The following ITGAX variants were observed in gnomAD, a reference collection of about 807,000 sequenced individuals.
ITGAX encodes the protein integrin alpha-X.
A neutral mutation model predicts 140.2 loss-of-function variants in ITGAX; 99 were observed. The observed-to-expected ratio is 0.71, with a 90% CI of 0.60 to 0.83. The LOEUF is 0.83. ITGAX is among the 40% of genes least tolerant of loss of function. The pLI is 0.00. For missense variants in ITGAX, 1,444 were observed against 1,482.0 expected, an observed-to-expected ratio of 0.97 and a Z score of 0.42; for synonymous variants, 631 against 600.4, an observed-to-expected ratio of 1.05 and a Z score of -0.75.
intron 3 of ITGAX, 51 bp downstream of exon 3, chr16:31,356,779 G>A (rs1314481481): frequency 2.2e-6 from 3 of 1,345,558 alleles, no homozygotes; most frequent in African/African-American, 2.9e-5. Context: ...AGGCTTCCCT[G>A]CTCCAGGGGC....
chr16:31,355,844 G>A, intron 1 of ITGAX, 49 bp from the exon 2 acceptor site: 7 of 1,427,770 alleles, frequency 4.9e-6, no homozygotes, highest in Non-Finnish European at 5.9e-6. Context: ...AGGGCAGCCA[G>A]GCAGAAGGAA....
At chr16:31,373,102 AAGAAGAAG>A in intron 19 of ITGAX, 139 bp from the exon 20 acceptor site, 8 of 96,144 alleles carry the variant, frequency 8.3e-5, no homozygotes, top group South Asian at 3.9e-4. Flanking sequence ...CTTAAAAAAA[AAGAAGAAG>A]AAGAAGAAGA....
intron 20 of ITGAX, among the ~76,000 whole-genome samples, chr16:31,376,068 AACAATATGG>A (rs2142524666): frequency 6.6e-6 from 1 of 152,314 alleles, no homozygotes; most frequent in South Asian, 2.1e-4. Flanking sequence ...TTCTAGATGA[AACAATATGG>A]TGTTTGGAAT....
At chr16:31,372,721 A>G in intron 19 of ITGAX, 51 bp downstream of exon 19, 1 of 1,525,348 alleles carries the variant, frequency 6.6e-7, no homozygotes, top group Non-Finnish European at 9.1e-7. Flanking sequence ...TCCTTCCTGG[A>G]ATCTGGGACT....
intron 23 of ITGAX, among the ~76,000 whole-genome samples, chr16:31,377,670 C>T (rs1323709226): frequency 6.6e-5 from 10 of 152,230 alleles, no homozygotes; most frequent in Non-Finnish European, 5.9e-5. Context: ...GGGTGTGCCC[C>T]AGGCTCTCAT....
At chr16:31,377,599 T>TCACCTG (rs2081032394) in intron 23 of ITGAX, among the ~76,000 whole-genome samples, 1 of 152,202 alleles carries the variant, frequency 6.6e-6, no homozygotes. Flanking sequence ...TTTCCCACTC[T>TCACCTG]CACCTGCACC....
chr16:31,356,810 C>T, intron 3 of ITGAX, 82 bp downstream of exon 3: 1 of 1,059,120 alleles, frequency 9.4e-7, no homozygotes, highest in East Asian at 2.6e-5. Flanking sequence ...ACCGGAGTGT[C>T]ACTTTCAGCT....
chr16:31,361,553 C>T (rs977588407), intron 9 of ITGAX: 8 of 708,618 alleles, frequency 1.1e-5, no homozygotes, highest in South Asian at 1.1e-4. Flanking sequence ...CACTCACTCC[C>T]CTGGGCAAGG....
intron 20 of ITGAX, among the ~76,000 whole-genome samples, chr16:31,374,355 C>T (rs1000827863): frequency 2.6e-5 from 4 of 152,130 alleles, no homozygotes; most frequent in Admixed American, 6.5e-5. Context: ...AACAAACCTC[C>T]CCAAAACTTG....
intron 5 of ITGAX, 107 bp from the exon 6 acceptor site, chr16:31,359,593 G>A (rs1181911240): frequency 8.1e-6 from 11 of 1,358,500 alleles, no homozygotes; most frequent in Non-Finnish European, 1.1e-5. Flanking sequence ...CAGACTAGGG[G>A]CTTAGGGGAG....
chr16:31,364,593 G>T (rs1485361759), intron 14 of ITGAX, among the ~76,000 whole-genome samples: 1 of 152,070 alleles, frequency 6.6e-6, no homozygotes, highest in Non-Finnish European at 1.5e-5. Context: ...TACTAGAATG[G>T]CTAGAAACAA....
At position 31,361,903 on chromosome 16, in the gene ITGAX, C is replaced by T. The variant is rs2080830473; in HGVS notation, c.1080C>T (p.Phe360=). 3.1e-6 allele frequency: 5 copies of T among 1,614,048 alleles called. No individual in the cohort carries two copies. Among genetic ancestry groups the T allele is most frequent in the Non-Finnish European group, 4.2e-6 (5 of 1,180,002 alleles). Residue 360 remains phenylalanine (F), a synonymous_variant, in exon 10 of 30, where the codon TTC becomes TTT. Coordinates refer to ENST00000268296, the MANE Select transcript of ITGAX (RefSeq NM_000887.5). ...EMAQEGFSAV[F]TPDGPVLGAV... ...CACAGGAGGGCTTCAGCGCTGTGTTCACACCTGTGAGTGGGGCCCCTTAGG... is the reference window on the plus strand; with the variant it reads ...CACAGGAGGGCTTCAGCGCTGTGTTTACACCTGTGAGTGGGGCCCCTTAGG...
chr16:31,361,264 T>C, intron 9 of ITGAX, 51 bp downstream of exon 9: 1 of 1,559,290 alleles, frequency 6.4e-7, no homozygotes, highest in Non-Finnish European at 8.7e-7. Flanking sequence ...CGTTAACACC[T>C]TTCCACTTAG....
intron 5 of ITGAX, 42 bp downstream of exon 5, chr16:31,357,406 A>C: frequency 5.3e-6 from 7 of 1,309,640 alleles, no homozygotes; most frequent in Non-Finnish European, 7.5e-6. Flanking sequence ...GCTCACGCAC[A>C]TCCAATTGGG....
In ITGAX at chr16:31,361,819, G is replaced by A. The variant is rs754077710; in HGVS notation, c.1013-17G>A. 1.2e-5 allele frequency: 20 copies of A among 1,613,686 alleles called. No homozygotes were observed. The highest frequency in any genetic ancestry group is 6.6e-5 in the South Asian group (6 of 91,086). ...CCGTCTCCCTCCCTGGCACTCAAGC[G>A]TCATGCCTTCCCCCAGGTACGGAGA... On this transcript the variant is annotated splice_polypyrimidine_tract_variant and intron_variant, in intron 9 of 29. Coordinates refer to ENST00000268296, the MANE Select transcript of ITGAX (RefSeq NM_000887.5).
intron 14 of ITGAX, among the ~76,000 whole-genome samples, chr16:31,369,690 A>G (rs537850941): frequency 6.6e-6 from 1 of 152,336 alleles, no homozygotes; most frequent in East Asian, 1.9e-4. Context: ...GAACTTTTAG[A>G]TTTAGAGGGG....
intron 19 of ITGAX, 76 bp from the exon 20 acceptor site, chr16:31,373,173 C>A (rs1204765534): frequency 2.0e-6 from 2 of 1,017,160 alleles, no homozygotes; most frequent in East Asian, 4.0e-5. Context: ...AAATCCCCAC[C>A]CACCCCATTT....
At position 31,371,330 on chromosome 16, in the gene ITGAX, G is replaced by T. The variant is rs755118856; in HGVS notation, c.1842-4G>T. The T allele has an allele frequency of 6.2e-7, 1 of 1,613,738 alleles. No homozygotes were observed. The highest frequency in any genetic ancestry group is 8.5e-7 in the Non-Finnish European group (1 of 1,179,756). On this transcript the variant is annotated splice_region_variant and splice_polypyrimidine_tract_variant and intron_variant, in intron 15 of 29. Coordinates refer to ENST00000268296, the MANE Select transcript of ITGAX (RefSeq NM_000887.5). Reference sequence around the variant, plus strand: ...CTGTCCTCAGCTCGGTGCTCTGCCCGCAGGACCAGACCTGTGCTCTGGGTG... The same window carrying T: ...CTGTCCTCAGCTCGGTGCTCTGCCCTCAGGACCAGACCTGTGCTCTGGGTG...
chr16:31,376,966 A>G, intron 21 of ITGAX, 34 bp from the exon 22 acceptor site: 1 of 1,613,528 alleles, frequency 6.2e-7, no homozygotes. Flanking sequence ...CCCTGTCTTT[A>G]CTGCTCTGTG....
Sources: allele counts gnomAD v4.1 joint callset (sites outside exome capture counted in the v4.1 genomes callset), GRCh38; gene constraint gnomAD v4.1.1; transcripts MANE v1.5; gene names NCBI Gene and HGNC (gene_info 2026-07-23, HGNC 2026-07-21).